CDH11: variants seen among roughly 807,000 people sequenced by gnomAD.
CDH11 encodes the protein cadherin-11.
In CDH11, 11 loss-of-function variants were observed where a neutral mutation model predicts 67.8. That is an observed-to-expected ratio of 0.16 (90% confidence interval 0.10 to 0.27). CDH11 has a LOEUF of 0.27. CDH11 is among the 10% of genes least tolerant of loss of function. The probability of loss-of-function intolerance (pLI) is 1.00; values close to 1 mark genes in which losing one functional copy is unlikely to be tolerated. For synonymous variants in CDH11, 419 were observed against 400.0 expected (o/e 1.05, Z -0.57); for missense variants, 847 against 1,031.2 (o/e 0.82, Z 2.45).
chr16:64,978,414 GA>G (rs1156989671), intron 8 of CDH11, among the ~76,000 whole-genome samples: 2 of 152,128 alleles, frequency 1.3e-5, no homozygotes, highest in African/African-American at 4.8e-5. Flanking sequence ...CTTGCAGCAG[GA>G]AAGAAGACAT....
At chr16:65,045,699 G>C (rs796818644) in intron 2 of CDH11, among the ~76,000 whole-genome samples, 6 of 152,256 alleles carry the variant, frequency 3.9e-5, no homozygotes, top group African/African-American at 1.4e-4. Context: ...TAGGGACAGA[G>C]AGTACAGGCG....
intron 2 of CDH11, among the ~76,000 whole-genome samples, chr16:65,050,118 T>A (rs2074030310): frequency 6.6e-6 from 1 of 152,134 alleles, no homozygotes; most frequent in Non-Finnish European, 1.5e-5. Flanking sequence ...AAAGGGCAAA[T>A]CTCTTCCACT....
intron 1 of CDH11, among the ~76,000 whole-genome samples, chr16:65,105,109 C>G (rs1406419667): frequency 6.7e-6 from 1 of 149,806 alleles, no homozygotes; most frequent in Non-Finnish European, 1.5e-5. Flanking sequence ...TTTGCAGCAC[C>G]AGCATCAAGT....
chr16:65,120,756 G>A (rs1163559548), intron 1 of CDH11, among the ~76,000 whole-genome samples: 3 of 152,186 alleles, frequency 2.0e-5, no homozygotes, highest in Non-Finnish European at 2.9e-5. Flanking sequence ...CTTTCACCCG[G>A]GAGAGGCAGG....
chr16:65,039,504 C>G (rs1293978586), intron 2 of CDH11, among the ~76,000 whole-genome samples: 2 of 152,128 alleles, frequency 1.3e-5, no homozygotes, highest in East Asian at 3.9e-4. Context: ...AACTGGCTAG[C>G]CATATGTAGA....
chr16:65,081,426 G>A (rs1025560063), intron 1 of CDH11, among the ~76,000 whole-genome samples: 6 of 152,062 alleles, frequency 3.9e-5, no homozygotes, highest in Non-Finnish European at 5.9e-5. Flanking sequence ...AAAATTAGCC[G>A]GGCATGGTGG....
At chr16:65,022,968 C>A (rs2073457084) in intron 2 of CDH11, among the ~76,000 whole-genome samples, 1 of 152,144 alleles carries the variant, frequency 6.6e-6, no homozygotes, top group Non-Finnish European at 1.5e-5. Flanking sequence ...CTTCCTTAAA[C>A]AATGGCCCAA....
intron 2 of CDH11, among the ~76,000 whole-genome samples, chr16:65,011,118 C>CAT (rs759637686): frequency 0.48 from 55,744 of 116,144 alleles, 11,072 homozygotes; most frequent in Middle Eastern, 0.55. Context: ...TATATACATA[C>CAT]ACACACACAC....
At chr16:64,967,844 T>C (rs1014595163) in intron 11 of CDH11, among the ~76,000 whole-genome samples, 3 of 152,208 alleles carry the variant, frequency 2.0e-5, no homozygotes, top group Non-Finnish European at 4.4e-5. Context: ...GGCATTAATT[T>C]TGTAATAGAA....
At chr16:65,000,663 A>G (rs376424031) in intron 3 of CDH11, among the ~76,000 whole-genome samples, 1 of 151,888 alleles carries the variant, frequency 6.6e-6, no homozygotes, top group African/African-American at 2.4e-5. Context: ...ACAAAAATTA[A>G]CCAGGCATGA....
At chr16:65,090,513 C>T (rs1478639700) in intron 1 of CDH11, among the ~76,000 whole-genome samples, 1 of 152,086 alleles carries the variant, frequency 6.6e-6, no homozygotes, top group Non-Finnish European at 1.5e-5. Flanking sequence ...AGCCATGTGA[C>T]CATGGGCAAA....
intron 2 of CDH11, among the ~76,000 whole-genome samples, chr16:65,045,753 G>A (rs1030126991): frequency 6.6e-6 from 1 of 152,036 alleles, no homozygotes; most frequent in Admixed American, 6.5e-5. Context: ...ATTAATGAAT[G>A]GCCAAGAAGT....
chr16:65,028,921 C>A (rs972672924), intron 2 of CDH11, among the ~76,000 whole-genome samples: 2 of 152,064 alleles, frequency 1.3e-5, no homozygotes, highest in Admixed American at 6.5e-5. Context: ...GTTGCCAGGA[C>A]CTAGGGGCAG....
At chr16:65,021,521 A>G (rs1347144127) in intron 2 of CDH11, among the ~76,000 whole-genome samples, 1 of 150,684 alleles carries the variant, frequency 6.6e-6, no homozygotes, top group Admixed American at 6.6e-5. Flanking sequence ...AACAAGATTC[A>G]AGAAGAGAAA....
chr16:65,063,285 C>T (rs1409945530), intron 1 of CDH11, among the ~76,000 whole-genome samples: 1 of 151,996 alleles, frequency 6.6e-6, no homozygotes, highest in Non-Finnish European at 1.5e-5. Context: ...TTTTTAAATA[C>T]TCTTTGGATG....
chr16:65,022,721 T>G (rs566021333), intron 2 of CDH11, among the ~76,000 whole-genome samples: 90 of 152,334 alleles, frequency 5.9e-4, no homozygotes, highest in Admixed American at 2.0e-3. Context: ...CAAACTCCTC[T>G]GAGTATCCCA....
At chr16:65,091,477 G>A (rs2074791416) in intron 1 of CDH11, among the ~76,000 whole-genome samples, 1 of 151,602 alleles carries the variant, frequency 6.6e-6, no homozygotes, top group South Asian at 2.1e-4. Flanking sequence ...TCCCACATAT[G>A]TCTTCTGATT....
In CDH11 at chr16:64,945,643, T is replaced by C. The variant is rs2071183239; in HGVS notation, c.*1960A>G. 1.9e-6 allele frequency: 2 copies of C among 1,034,944 alleles called. No individual in the cohort carries two copies. Among genetic ancestry groups the C allele is most frequent in the South Asian group, 9.2e-5 (2 of 21,710 alleles). 64.1% of individuals were successfully genotyped at this position (1,034,944 alleles called of 1,614,324 possible). On this transcript the variant is annotated 3_prime_UTR_variant, in exon 13 of 13. Coordinates refer to ENST00000268603, the MANE Select transcript of CDH11 (RefSeq NM_001797.4). ...GTATTGAGAATGTGTAATCCTTCAC[T>C]GAGATGAAAGATTCTAAAGTGACAT...
intron 2 of CDH11, among the ~76,000 whole-genome samples, chr16:65,039,471 T>C (rs1204943120): frequency 6.6e-6 from 1 of 152,228 alleles, no homozygotes; most frequent in Non-Finnish European, 1.5e-5. Flanking sequence ...AAGGATTCCC[T>C]ATTTAATAAA....
Sources: gnomAD v4.1 joint callset for allele counts (sites outside exome capture counted in the v4.1 genomes callset) on GRCh38, gnomAD v4.1.1 for gene constraint, MANE v1.5 for transcripts, NCBI Gene and HGNC (gene_info 2026-07-23, HGNC 2026-07-21) for gene names.